PTP4A3: variants seen among roughly 807,000 people sequenced by gnomAD.
PTP4A3 encodes the protein protein tyrosine phosphatase 4A3, also known as protein tyrosine phosphatase type IVA 3.
In PTP4A3, 9 loss-of-function variants were observed where a neutral mutation model predicts 15.2. The ratio of observed to expected loss-of-function variants is 0.59; its 90% CI spans 0.36 to 1.03. The LOEUF (loss-of-function observed/expected upper bound fraction) is 1.03. Among genes scored for constraint, PTP4A3 ranks in the 50% least tolerant of loss-of-function variants. The pLI, the probability that PTP4A3 is intolerant of heterozygous loss-of-function variation, is 0.02. For missense variants in PTP4A3, 234 were observed against 252.1 expected, an observed-to-expected ratio of 0.93 and a Z score of 0.49; for synonymous variants, 95 against 102.0, an observed-to-expected ratio of 0.93 and a Z score of 0.41.
chr8:141,408,973 G>C (rs767073688), intron 1 of PTP4A3, among the ~76,000 whole-genome samples: 8 of 152,248 alleles, frequency 5.3e-5, no homozygotes, highest in Non-Finnish European at 8.8e-5. Flanking sequence ...CCACGCTGCC[G>C]TGTAGTGTCA....
intron 1 of PTP4A3, among the ~76,000 whole-genome samples, chr8:141,405,380 C>T (rs1354490537): frequency 6.6e-6 from 1 of 152,244 alleles, no homozygotes; most frequent in Non-Finnish European, 1.5e-5. Context: ...GGCCCCCCAA[C>T]CTCCGGGTCC....
chr8:141,399,848 C>T (rs1832541743), intron 1 of PTP4A3, among the ~76,000 whole-genome samples: 1 of 152,240 alleles, frequency 6.6e-6, no homozygotes, highest in South Asian at 2.1e-4. Flanking sequence ...CACTGCGGGA[C>T]CCACAAGGAG....
intron 1 of PTP4A3, among the ~76,000 whole-genome samples, chr8:141,399,530 G>A (rs1025279239): frequency 6.6e-6 from 1 of 152,242 alleles, no homozygotes; most frequent in Non-Finnish European, 1.5e-5. Flanking sequence ...TGGCTCTGCC[G>A]ACTCTCCCTG....
chr8:141,426,242 C>T (rs920019514), intron 3 of PTP4A3, among the ~76,000 whole-genome samples: 6 of 152,192 alleles, frequency 3.9e-5, no homozygotes, highest in South Asian at 2.1e-4. Flanking sequence ...AAGACTGAAA[C>T]GTGTCCACTC....
intron 1 of PTP4A3, among the ~76,000 whole-genome samples, chr8:141,414,678 C>T (rs1189760254): frequency 6.7e-6 from 1 of 148,756 alleles, no homozygotes; most frequent in Admixed American, 6.7e-5. Context: ...GATCGGGTGC[C>T]TAGGCAGGGG....
chr8:141,426,538 C>T (rs1833584741), intron 3 of PTP4A3: 1 of 985,310 alleles, frequency 1.0e-6, no homozygotes, highest in African/African-American at 1.7e-5. Flanking sequence ...GGATGAGACC[C>T]TTTGCACCAG....
intron 1 of PTP4A3, among the ~76,000 whole-genome samples, chr8:141,395,638 C>T (rs1457358349): frequency 7.0e-6 from 1 of 143,366 alleles, no homozygotes; most frequent in Non-Finnish European, 1.5e-5. Flanking sequence ...TGGGCCACCC[C>T]TCCCTCCTGC....
intron 1 of PTP4A3, among the ~76,000 whole-genome samples, chr8:141,400,896 A>G (rs887102727): frequency 3.9e-5 from 6 of 152,068 alleles, no homozygotes; most frequent in Non-Finnish European, 8.8e-5. Context: ...TGTGTCCCCA[A>G]GACTTAGAGG....
rs1166396352 is a variant in PTP4A3 at position 141,422,294 on chromosome 8, C to T, written c.54C>T (p.Arg18=). 2 of 1,613,302 alleles carry T rather than the reference C, an allele frequency of 1.2e-6. No individual in the cohort carries two copies. Among genetic ancestry groups the T allele is most frequent in the African/African-American group, 1.3e-5 (1 of 74,942 alleles). ...APVEVSYKHM[R]FLITHNPTNA... ...TGGAGGTGAGCTACAAACACATGCG[C>T]TTCCTCATCACCCACAACCCCACCA... is the stretch of plus-strand genomic sequence containing the variant. The change falls in exon 2 of 6, where the codon CGC becomes CGT. Residue 18 remains arginine (R), a synonymous_variant. Coordinates refer to ENST00000521578, the MANE Select transcript of PTP4A3 (RefSeq NM_032611.3).
chr8:141,431,073 A>G lies in PTP4A3; in HGVS notation c.*29A>G. The G allele has an allele frequency of 1.2e-6, 2 of 1,607,250 alleles. No homozygotes were observed. The highest frequency in any genetic ancestry group is 1.1e-5 in the South Asian group (1 of 90,972). ...AGGACCTTGGCTGGGCCTGGTCGTC[A>G]TGTAGGTCAGGACCTTGGCTGGACC... is the stretch of plus-strand genomic sequence containing the variant. On this transcript the variant is annotated 3_prime_UTR_variant, in exon 6 of 6. Coordinates refer to ENST00000521578, the MANE Select transcript of PTP4A3 (RefSeq NM_032611.3).
At chr8:141,408,642 G>T (rs142934504) in intron 1 of PTP4A3, among the ~76,000 whole-genome samples, 160 of 152,112 alleles carry the variant, frequency 1.1e-3, no homozygotes, top group Middle Eastern at 6.8e-3. Context: ...GACTAAAATG[G>T]TGGATTTCAT....
chr8:141,421,986 T>G lies in PTP4A3; in HGVS notation c.-255T>G. ...GGGTTGGGGGGGGCGGCGGGCTGTT[T>G]TGTTCCTTTTCTTTTTTAAGAGTTG... On this transcript the variant is annotated 5_prime_UTR_variant, in exon 2 of 6. Coordinates refer to ENST00000521578, the MANE Select transcript of PTP4A3 (RefSeq NM_032611.3). 2.1e-6 allele frequency: 1 copy of G among 469,364 alleles called. No homozygotes were observed. The highest frequency in any genetic ancestry group is 3.2e-5 in the South Asian group (1 of 30,954). 29.1% of individuals were successfully genotyped at this position (469,364 alleles called of 1,614,324 possible).
intron 5 of PTP4A3, among the ~76,000 whole-genome samples, chr8:141,429,055 A>G (rs775812869): frequency 1.3e-5 from 2 of 152,238 alleles, no homozygotes; most frequent in African/African-American, 4.8e-5. Context: ...TGGTCAGGAC[A>G]GGTTGGGCCA....
intron 3 of PTP4A3, chr8:141,426,312 A>G: frequency 1.9e-6 from 1 of 519,100 alleles, no homozygotes; most frequent in Non-Finnish European, 2.5e-6. Context: ...CCACCGATCT[A>G]GGGCGCTGGG....
chr8:141,422,152 T>C lies in PTP4A3; in HGVS notation c.-89T>C, dbSNP rs1289771324. Reference sequence around the variant, plus strand: ...AAGCACAGGGATCTCGTTCTCCTCATTTTTTGGGGGTGTGTGGGGACTTCT... The same window carrying C: ...AAGCACAGGGATCTCGTTCTCCTCACTTTTTGGGGGTGTGTGGGGACTTCT... On this transcript the variant is annotated 5_prime_UTR_variant, in exon 2 of 6. Coordinates refer to ENST00000521578, the MANE Select transcript of PTP4A3 (RefSeq NM_032611.3). The C allele has an allele frequency of 2.1e-5, 27 of 1,271,108 alleles. No homozygotes were observed. Among genetic ancestry groups the C allele is most frequent in the Non-Finnish European group, 3.1e-5 (27 of 881,590 alleles). The allele number at this position is 1,271,108 out of a possible 1,614,324, so 78.7% of individuals were successfully genotyped here. A position where few individuals can be genotyped will look rare whatever the true frequency, so the allele number is the denominator to read the frequency against.
chr8:141,420,623 G>A (rs1173026245), intron 1 of PTP4A3, among the ~76,000 whole-genome samples: 1 of 152,244 alleles, frequency 6.6e-6, no homozygotes, highest in East Asian at 1.9e-4. Context: ...GTGCCTGATG[G>A]CTGGCCCATT....
At chr8:141,413,052 C>T (rs543498955) in intron 1 of PTP4A3, among the ~76,000 whole-genome samples, 1 of 152,326 alleles carries the variant, frequency 6.6e-6, no homozygotes, top group African/African-American at 2.4e-5. Context: ...TCAGGCCATG[C>T]GGACCCTTGG....
At position 141,427,196 on chromosome 8, in the gene PTP4A3, C is replaced by T. The variant is rs549705065; in HGVS notation, c.329+127C>T. Reference sequence around the variant, plus strand: ...CGACCTTCCCAGGAGGCCCATGCCCCTAGTGCTGGGGCTCCCAGACTGGTC... The same window carrying T: ...CGACCTTCCCAGGAGGCCCATGCCCTTAGTGCTGGGGCTCCCAGACTGGTC... On this transcript the variant is annotated intron_variant, in intron 4 of 5. Coordinates refer to ENST00000521578, the MANE Select transcript of PTP4A3 (RefSeq NM_032611.3). 8.1e-5 allele frequency: 111 copies of T among 1,372,124 alleles called. 1 individual carries two copies. The East Asian group carries it at 2.7e-3, about 33-fold the overall frequency. 85.0% of individuals were successfully genotyped at this position (1,372,124 alleles called of 1,614,324 possible). A position where few individuals can be genotyped will look rare whatever the true frequency, so the allele number is the denominator to read the frequency against.
intron 2 of PTP4A3, among the ~76,000 whole-genome samples, chr8:141,424,435 G>A (rs769994496): frequency 1.3e-3 from 202 of 152,264 alleles, no homozygotes; most frequent in Non-Finnish European, 2.3e-3. Context: ...CACCCTCCCT[G>A]CTCTGAGGCG....
Sources: gnomAD v4.1 joint callset for allele counts (sites outside exome capture counted in the v4.1 genomes callset) on GRCh38, gnomAD v4.1.1 for gene constraint, MANE v1.5 for transcripts, NCBI Gene and HGNC (gene_info 2026-07-23, HGNC 2026-07-21) for gene names.